Variants in DACH2 observed in about 807,000 individuals in gnomAD.
DACH2 encodes dachshund family transcription factor 2.
Under a neutral mutation model 35.8 loss-of-function variants are expected in DACH2, and 17 were observed. The observed-to-expected ratio is 0.48, with a 90% CI of 0.33 to 0.71. The LOEUF is 0.71. Among genes scored for constraint, DACH2 ranks in the 30% least tolerant of loss-of-function variants. The pLI is 0.02. For synonymous variants in DACH2, 195 were observed against 177.3 expected, an observed-to-expected ratio of 1.10 and a Z score of -0.79; for missense variants, 469 against 472.7, an observed-to-expected ratio of 0.99 and a Z score of 0.07.
intron 2 of DACH2, among the ~76,000 whole-genome samples, chrX:86,468,541 G>A (rs191864149): frequency 5.6e-4 from 63 of 111,562 alleles, no homozygotes; most frequent in Middle Eastern, 4.6e-3. Flanking sequence ...AAAGCCTACT[G>A]AGAGTACTTC....
intron 1 of DACH2, among the ~76,000 whole-genome samples, chrX:86,168,591 T>C (rs1033220074): frequency 6.4e-5 from 7 of 110,171 alleles, no homozygotes; most frequent in South Asian, 8.1e-4. Context: ...GTCTTTTTTT[T>C]CCTTCCTTTC....
intron 11 of DACH2, among the ~76,000 whole-genome samples, chrX:86,824,172 G>A (rs1024894734): frequency 9.0e-6 from 1 of 110,624 alleles, no homozygotes; most frequent in Non-Finnish European, 1.9e-5. Context: ...TATCTCAACC[G>A]CATAAGACGG....
intron 1 of DACH2, among the ~76,000 whole-genome samples, chrX:86,154,486 C>T (rs1334164554): frequency 2.7e-5 from 3 of 111,625 alleles, no homozygotes; most frequent in African/African-American, 9.7e-5. Context: ...ACTGTCACTT[C>T]AGATCACACA....
At chrX:86,573,795 T>A (rs1395058037) in intron 3 of DACH2, among the ~76,000 whole-genome samples, 2 of 111,794 alleles carry the variant, frequency 1.8e-5, no homozygotes, top group Non-Finnish European at 3.8e-5. Flanking sequence ...CAACTGTATG[T>A]CCTCACTCAA....
At chrX:86,679,561 G>C (rs777986433) in intron 4 of DACH2, among the ~76,000 whole-genome samples, 2 of 107,437 alleles carry the variant, frequency 1.9e-5, no homozygotes, top group African/African-American at 6.8e-5. Flanking sequence ...TACAGACTTC[G>C]CTTTCAGTGC....
intron 2 of DACH2, among the ~76,000 whole-genome samples, chrX:86,397,297 C>T (rs1041483955): frequency 1.5e-4 from 17 of 111,456 alleles, no homozygotes; most frequent in East Asian, 1.4e-3. Context: ...TGGGCTGAGA[C>T]GATGGGGTTT....
chrX:86,605,982 A>G (rs1353894211), intron 3 of DACH2, among the ~76,000 whole-genome samples: 1 of 111,173 alleles, frequency 9.0e-6, no homozygotes, highest in Non-Finnish European at 1.9e-5. Flanking sequence ...AATAGAATCT[A>G]TAGTATATTA....
intron 3 of DACH2, among the ~76,000 whole-genome samples, chrX:86,575,403 C>G (rs1326277685): frequency 1.8e-5 from 2 of 110,875 alleles, no homozygotes; most frequent in Non-Finnish European, 3.8e-5. Context: ...TAAAAGTTGG[C>G]AAGTGATTAT....
chrX:86,409,932 G>A (rs1034111056), intron 2 of DACH2, among the ~76,000 whole-genome samples: 1 of 111,922 alleles, frequency 8.9e-6, no homozygotes, highest in Non-Finnish European at 1.9e-5. Context: ...GTAAGACAAA[G>A]CAGTTCCCCA....
At chrX:86,228,124 T>A (rs974518715) in intron 1 of DACH2, among the ~76,000 whole-genome samples, 1 of 109,198 alleles carries the variant, frequency 9.2e-6, no homozygotes, top group African/African-American at 3.3e-5. Context: ...CCCCTTCCAC[T>A]CTTACCCCCA....
chrX:86,228,070 G>A (rs977806231), intron 1 of DACH2, among the ~76,000 whole-genome samples: 2 of 109,844 alleles, frequency 1.8e-5, no homozygotes, highest in African/African-American at 6.6e-5. Context: ...CTTATCACCC[G>A]AGCAGTACAC....
chrX:86,429,883 C>A (rs184588589), intron 2 of DACH2, among the ~76,000 whole-genome samples: 178 of 112,163 alleles, frequency 1.6e-3, no homozygotes, highest in African/African-American at 5.3e-3. Context: ...TAAATGATTC[C>A]ATTTCTTTTC....
intron 3 of DACH2, among the ~76,000 whole-genome samples, chrX:86,611,286 A>T (rs1309943612): frequency 9.1e-6 from 1 of 110,405 alleles, no homozygotes; most frequent in Non-Finnish European, 1.9e-5. Context: ...GCATGTATCC[A>T]AGATGCCAGA....
intron 2 of DACH2, among the ~76,000 whole-genome samples, chrX:86,443,616 T>A (rs1235477800): frequency 9.0e-6 from 1 of 110,930 alleles, no homozygotes; most frequent in Non-Finnish European, 1.9e-5. Flanking sequence ...GCCTTCAACT[T>A]TTTGCCATTG....
At chrX:86,189,848 T>C (rs1466470233) in intron 1 of DACH2, among the ~76,000 whole-genome samples, 1 of 111,223 alleles carries the variant, frequency 9.0e-6, no homozygotes, top group Non-Finnish European at 1.9e-5. Flanking sequence ...TGTCATGTAA[T>C]CTTATAATAA....
intron 1 of DACH2, among the ~76,000 whole-genome samples, chrX:86,244,242 A>G (rs1440473804): frequency 8.9e-6 from 1 of 112,121 alleles, no homozygotes; most frequent in African/African-American, 3.2e-5. Context: ...CTGAATTTGA[A>G]CAGGGGACAA....
intron 1 of DACH2, among the ~76,000 whole-genome samples, chrX:86,355,509 T>G (rs2035628148): frequency 9.0e-6 from 1 of 111,591 alleles, no homozygotes; most frequent in African/African-American, 3.3e-5. Context: ...CTCTGCCACC[T>G]TGACAGCACT....
At chrX:86,262,464 A>C (rs762361144) in intron 1 of DACH2, among the ~76,000 whole-genome samples, 1 of 112,231 alleles carries the variant, frequency 8.9e-6, no homozygotes, top group African/African-American at 3.2e-5. Flanking sequence ...TGGTTTGTAG[A>C]TGAGTTTCTC....
intron 1 of DACH2, among the ~76,000 whole-genome samples, chrX:86,315,388 C>G (rs753215828): frequency 1.9e-4 from 21 of 112,214 alleles, no homozygotes; most frequent in African/African-American, 6.8e-4. Context: ...TGGAGATGTA[C>G]AGGAGATTCA....
Sources: allele counts gnomAD v4.1 joint callset (sites outside exome capture counted in the v4.1 genomes callset), GRCh38; gene constraint gnomAD v4.1.1; transcripts MANE v1.5; gene names NCBI Gene and HGNC (gene_info 2026-07-23, HGNC 2026-07-21).